Variants in CTNNA1 observed in about 807,000 individuals in gnomAD.
The protein encoded by CTNNA1 is catenin alpha 1, also known as catenin alpha-1.
A neutral mutation model predicts 98.4 loss-of-function variants in CTNNA1; 37 were observed. That is an observed-to-expected ratio of 0.38 (90% CI 0.29 to 0.49). CTNNA1 has a LOEUF of 0.49. Ranked by LOEUF, CTNNA1 falls within the 20% of genes least tolerant of loss-of-function variation. CTNNA1 has a pLI of 0.95. For synonymous variants in CTNNA1, 404 were observed against 413.2 expected, an observed-to-expected ratio of 0.98 and a Z score of 0.27; for missense variants, 761 against 1,147.2, an observed-to-expected ratio of 0.66 and a Z score of 4.86.
rs1303338187 is a variant in CTNNA1 at position 138,874,377 on chromosome 5, C to T, written c.1063-11835C>T. 6.2e-7 allele frequency: 1 copy of T among 1,613,966 alleles called. No homozygotes were observed. Among genetic ancestry groups the T allele is most frequent in the Non-Finnish European group, 8.5e-7 (1 of 1,179,892 alleles). ...TGCCTCAGGGACAGGCCCAGAGAGC[C>T]CTTGTCTGTGGCGTTTGGCACTGAG... On this transcript the variant is annotated intron_variant, in intron 7 of 17. Transcript: ENST00000302763. This position sits in a 1 kb window ranked among gnomAD's most constrained non-coding sequence, Gnocchi z 4.1.
Position 138,812,099 on chromosome 5 carries a change from A to G in CTNNA1, c.469-84A>G, listed in dbSNP as rs1758875932. On this transcript the variant is annotated intron_variant, in intron 4 of 17. Coordinates refer to ENST00000302763, the MANE Select transcript of CTNNA1 (RefSeq NM_001903.5). ...GGTTGCTTTTTGAGTAGTTGTTAAC[A>G]GGAATGAAAATTCCTAGGATGCCAT... 17 of 1,290,862 alleles carry G rather than the reference A, an allele frequency of 1.3e-5. No individual in the cohort carries two copies. The South Asian group carries it at 2.2e-4, about 17-fold the overall frequency. 80.0% of individuals were successfully genotyped at this position (1,290,862 alleles called of 1,614,324 possible). A position where few individuals can be genotyped will look rare whatever the true frequency, so the allele number is the denominator to read the frequency against.
At chr5:138,908,900 A>G (rs559960988) in intron 10 of CTNNA1, among the ~76,000 whole-genome samples, 1 of 152,224 alleles carries the variant, frequency 6.6e-6, no homozygotes, top group South Asian at 2.1e-4. Flanking sequence ...AACTTTTACG[A>G]GGAAGCAGTT....
Position 138,827,555 on chromosome 5 carries a change from G to A in CTNNA1, c.899G>A (p.Arg300His), listed in dbSNP as rs369518072. 3 of 1,614,202 alleles carry A rather than the reference G, an allele frequency of 1.9e-6. No individual in the cohort carries two copies. Among genetic ancestry groups the A allele is most frequent in the South Asian group, 1.1e-5 (1 of 91,080 alleles). The change falls in exon 7 of 18, where the codon CGC becomes CAC. Residue 300 changes from arginine (R) to histidine (H), a missense_variant. By Grantham distance (29) the Arg-to-His change is conservative. Transcript: ENST00000302763. ...IVDPLSFSEE[R>H]FRPSLEERLE... ...GACCCCTTGAGCTTCAGCGAGGAGC[G>A]CTTTAGGCCTTCCCTGGAGGAGCGT...
intron 10 of CTNNA1, among the ~76,000 whole-genome samples, chr5:138,907,063 C>T (rs1264125206): frequency 6.6e-6 from 1 of 152,146 alleles, no homozygotes. Flanking sequence ...ACTCTGTCAC[C>T]CAGGCTGGAG....
At chr5:138,807,008 CT>C (rs1321047490) in intron 3 of CTNNA1, among the ~76,000 whole-genome samples, 4,449 of 111,474 alleles carry the variant, frequency 0.04, 120 homozygotes, top group African/African-American at 0.13. Flanking sequence ...AGATGTTGGA[CT>C]TTTTTTTTTT....
At chr5:138,907,795 T>G (rs1041393729) in intron 10 of CTNNA1, among the ~76,000 whole-genome samples, 6 of 152,146 alleles carry the variant, frequency 3.9e-5, no homozygotes, top group African/African-American at 1.2e-4. Context: ...GTGGAAGAGG[T>G]GCTCAGTGCT....
chr5:138,762,759 A>G (rs1752503898), intron 1 of CTNNA1, among the ~76,000 whole-genome samples: 5 of 146,302 alleles, frequency 3.4e-5, no homozygotes, highest in Admixed American at 2.1e-4. Context: ...ACAATATTGT[A>G]TGAGTAGTGT....
intron 10 of CTNNA1, among the ~76,000 whole-genome samples, chr5:138,909,924 C>G (rs150107140): frequency 2.6e-5 from 4 of 152,338 alleles, no homozygotes; most frequent in African/African-American, 7.2e-5. Flanking sequence ...TGTCACTTAA[C>G]CTATTATTTC....
At chr5:138,885,735 G>C (rs974348574) in intron 7 of CTNNA1, among the ~76,000 whole-genome samples, 5 of 152,056 alleles carry the variant, frequency 3.3e-5, no homozygotes, top group Admixed American at 3.3e-4. Context: ...GACCTATCAG[G>C]TACATCTTAG....
At chr5:138,931,319 T>C (rs928160111) in intron 16 of CTNNA1, among the ~76,000 whole-genome samples, 2 of 152,152 alleles carry the variant, frequency 1.3e-5, no homozygotes, top group African/African-American at 4.8e-5. Context: ...CATCCCCCTA[T>C]TCCCTCACAC....
At chr5:138,911,747 G>A (rs1344416965) in intron 10 of CTNNA1, among the ~76,000 whole-genome samples, 2 of 152,294 alleles carry the variant, frequency 1.3e-5, no homozygotes, top group South Asian at 2.1e-4. Flanking sequence ...CTACATTTGT[G>A]GTAATTTATT....
chr5:138,915,573 G>A (rs1365066726), intron 10 of CTNNA1, among the ~76,000 whole-genome samples: 4 of 152,164 alleles, frequency 2.6e-5, no homozygotes, highest in Admixed American at 6.6e-5. Context: ...GTTCTACTCC[G>A]TTCCCAGAGA....
intron 7 of CTNNA1, among the ~76,000 whole-genome samples, chr5:138,855,944 C>T (rs1366449636): frequency 6.6e-6 from 1 of 152,098 alleles, no homozygotes; most frequent in Non-Finnish European, 1.5e-5. Context: ...AAGAATCTTT[C>T]TAAAGAAGGA....
intron 1 of CTNNA1, chr5:138,754,203 C>G (rs1042361930): frequency 6.6e-6 from 1 of 151,710 alleles, no homozygotes; most frequent in African/African-American, 2.4e-5. Context: ...AGCTTTCAGC[C>G]CTAGTTTTCA....
chr5:138,887,815 A>G, intron 9 of CTNNA1, 173 bp downstream of exon 9: 1 of 553,862 alleles, frequency 1.8e-6, no homozygotes. Flanking sequence ...CATTTTGGTC[A>G]CTTTACATTA....
chr5:138,911,089 T>C (rs6872423), intron 10 of CTNNA1, among the ~76,000 whole-genome samples: 46,508 of 151,824 alleles, frequency 0.31, 7,373 homozygotes, highest in African/African-American at 0.37. Context: ...AATAAAAAAT[T>C]TGCCAGGCAT....
Position 138,756,469 on chromosome 5 carries a change from T to C in CTNNA1, c.-3+2959T>C, listed in dbSNP as rs987955091. Among the ~76,000 whole-genome samples the C allele has an allele frequency of 6.6e-5, 10 of 152,108 alleles. 1 individual carries two copies. The highest frequency in any genetic ancestry group is 7.4e-5 in the Non-Finnish European group (5 of 68,024). On this transcript the variant is annotated intron_variant, in intron 1 of 17. Coordinates refer to ENST00000302763, the MANE Select transcript of CTNNA1 (RefSeq NM_001903.5). ...GGTGTGAGCCACCGCACTTTCGGAT[T>C]TCTTTGAGAACGTAACTCACTGTGG...
chr5:138,908,676 A>C (rs552706283), intron 10 of CTNNA1, among the ~76,000 whole-genome samples: 3 of 152,192 alleles, frequency 2.0e-5, no homozygotes, highest in African/African-American at 7.2e-5. Flanking sequence ...CCCTTCTCTA[A>C]ATATAACATC....
At chr5:138,912,061 C>T (rs906930878) in intron 10 of CTNNA1, among the ~76,000 whole-genome samples, 2 of 152,078 alleles carry the variant, frequency 1.3e-5, no homozygotes, top group East Asian at 3.9e-4. Context: ...ATGTTGAGGG[C>T]AGAGGTCTGA....
Sources: gnomAD v4.1 joint callset for allele counts (sites outside exome capture counted in the v4.1 genomes callset) on GRCh38, gnomAD v4.1.1 for gene constraint, Gnocchi (gnomAD v3.1) non-coding constraint, MANE v1.5 for transcripts, NCBI Gene and HGNC (gene_info 2026-07-23, HGNC 2026-07-21) for gene names.